The following TDRD3 variants were observed in gnomAD, a reference collection of about 807,000 sequenced individuals.
The protein encoded by TDRD3 is tudor domain containing 3, also known as tudor domain-containing protein 3.
In TDRD3, 45 loss-of-function variants were observed where a neutral mutation model predicts 86.7. That is an observed-to-expected ratio of 0.52 (90% confidence interval 0.41 to 0.67). The LOEUF is 0.67. TDRD3 is among the 30% of genes least tolerant of loss of function. The pLI, the probability that TDRD3 is intolerant of heterozygous loss-of-function variation, is 0.00. For missense variants in TDRD3, 814 were observed against 889.0 expected (o/e 0.92, Z 1.07); for synonymous variants, 298 against 301.7 (o/e 0.99, Z 0.13).
chr13:60,484,195 G>A (rs1199055763), intron 6 of TDRD3, among the ~76,000 whole-genome samples: 1 of 151,998 alleles, frequency 6.6e-6, no homozygotes, highest in Non-Finnish European at 1.5e-5. Flanking sequence ...AAAAACATTA[G>A]AGGGGGAGAG....
chr13:60,490,449 G>A (rs1248430089), intron 7 of TDRD3, among the ~76,000 whole-genome samples: 1 of 152,160 alleles, frequency 6.6e-6, no homozygotes, highest in East Asian at 1.9e-4. Context: ...GGGACAAGTA[G>A]TAGAAGATAA....
chr13:60,540,351 T>C (rs1957783047), intron 12 of TDRD3, among the ~76,000 whole-genome samples: 1 of 152,200 alleles, frequency 6.6e-6, no homozygotes, highest in Non-Finnish European at 1.5e-5. Flanking sequence ...TTTCTTTTAG[T>C]AAAGTTTGGT....
intron 11 of TDRD3, among the ~76,000 whole-genome samples, chr13:60,529,806 T>C (rs973440328): frequency 6.6e-6 from 1 of 151,744 alleles, no homozygotes; most frequent in Non-Finnish European, 1.5e-5. Context: ...AAGAAAGAAA[T>C]TGTAGGGGAA....
intron 4 of TDRD3, among the ~76,000 whole-genome samples, chr13:60,465,465 G>C (rs1481041807): frequency 6.6e-6 from 1 of 152,152 alleles, no homozygotes; most frequent in Non-Finnish European, 1.5e-5. Flanking sequence ...AGGTAAGGCT[G>C]TTCATGACCA....
chr13:60,529,783 G>T (rs1595076543), intron 11 of TDRD3, among the ~76,000 whole-genome samples: 1 of 151,964 alleles, frequency 6.6e-6, no homozygotes, highest in East Asian at 1.9e-4. Flanking sequence ...ATATTATATG[G>T]TGGCTAAAGG....
chr13:60,422,812 C>A (rs1392583307), intron 1 of TDRD3, among the ~76,000 whole-genome samples: 1 of 151,664 alleles, frequency 6.6e-6, no homozygotes, highest in Non-Finnish European at 1.5e-5. Context: ...ATATTCAAGT[C>A]AAGGAAGGAA....
intron 12 of TDRD3, among the ~76,000 whole-genome samples, chr13:60,540,227 T>C (rs1360277774): frequency 6.6e-6 from 1 of 152,174 alleles, no homozygotes; most frequent in African/African-American, 2.4e-5. Flanking sequence ...TCTTTTGCAA[T>C]ATAAACAACA....
At chr13:60,563,354 G>T (rs1297598461) in intron 12 of TDRD3, among the ~76,000 whole-genome samples, 1 of 152,136 alleles carries the variant, frequency 6.6e-6, no homozygotes, top group Non-Finnish European at 1.5e-5. Context: ...AGAGAGTTGG[G>T]TCAGCATTTA....
intron 1 of TDRD3, among the ~76,000 whole-genome samples, chr13:60,428,198 A>G (rs996104029): frequency 6.7e-6 from 1 of 148,200 alleles, no homozygotes; most frequent in African/African-American, 2.5e-5. Flanking sequence ...CTATAAAAAC[A>G]CTTGTCATTG....
chr13:60,556,896 T>C (rs932361801), intron 12 of TDRD3, among the ~76,000 whole-genome samples: 1 of 151,954 alleles, frequency 6.6e-6, no homozygotes, highest in Non-Finnish European at 1.5e-5. Flanking sequence ...GAAACAGACT[T>C]AAGAAAATGT....
intron 1 of TDRD3, among the ~76,000 whole-genome samples, chr13:60,406,567 G>A (rs935965898): frequency 1.8e-4 from 27 of 152,190 alleles, no homozygotes; most frequent in African/African-American, 6.3e-4. Flanking sequence ...AAGAGGCTAG[G>A]TTCAAGTACT....
At chr13:60,537,989 A>T (rs1488979471) in intron 12 of TDRD3, 1 of 152,066 alleles carries the variant, frequency 6.6e-6, no homozygotes, top group African/African-American at 2.4e-5. Flanking sequence ...GTATAAGCAT[A>T]AATCATTAAA....
chr13:60,485,774 G>T lies in TDRD3; in HGVS notation c.568-25G>T. 2.0e-6 allele frequency: 3 copies of T among 1,537,358 alleles called. No individual in the cohort carries two copies. In the South Asian group the frequency reaches 3.8e-5, roughly 20 times the overall value. On this transcript the variant is annotated intron_variant, in intron 6 of 13. Coordinates refer to ENST00000377881, the MANE Select transcript of TDRD3 (RefSeq NM_001146070.2). ...GAATCTCTTTTGGAACTACTAAGTT[G>T]ACTTATTCTTACTTGTTTTACTAGA... is the stretch of plus-strand genomic sequence containing the variant.
At chr13:60,458,837 C>A (rs528665188) in intron 3 of TDRD3, among the ~76,000 whole-genome samples, 1 of 152,226 alleles carries the variant, frequency 6.6e-6, no homozygotes, top group South Asian at 2.1e-4. Context: ...TTGTCAATGC[C>A]TAGGCTAAAA....
intron 12 of TDRD3, 79 bp downstream of exon 12, chr13:60,535,312 C>A: frequency 7.0e-7 from 1 of 1,424,824 alleles, no homozygotes; most frequent in Non-Finnish European, 9.3e-7. Context: ...GATAGCCATA[C>A]AAAATATGCA....
upstream of TDRD3, chr13:60,397,117 C>T (rs986012991): frequency 2.7e-5 from 10 of 372,392 alleles, no homozygotes; most frequent in Non-Finnish European, 4.3e-5. Context: ...TTTGGTGGAT[C>T]AGGTCCCGGA....
At chr13:60,550,639 T>C (rs926022009) in intron 12 of TDRD3, among the ~76,000 whole-genome samples, 2 of 152,118 alleles carry the variant, frequency 1.3e-5, no homozygotes, top group African/African-American at 4.8e-5. Context: ...TTTTTAGTAT[T>C]ACATTAGTCA....
chr13:60,495,743 C>T (rs1471694672), intron 8 of TDRD3, among the ~76,000 whole-genome samples: 1 of 152,142 alleles, frequency 6.6e-6, no homozygotes, highest in Non-Finnish European at 1.5e-5. Flanking sequence ...GCTGGGATTA[C>T]AGGCGTGAGC....
intron 4 of TDRD3, among the ~76,000 whole-genome samples, chr13:60,464,599 CAT>C (rs796137493): frequency 1.5e-4 from 23 of 152,126 alleles, no homozygotes; most frequent in African/African-American, 5.5e-4. Context: ...CACACACACA[CAT>C]ACACTGGAAT....
Sources: allele counts gnomAD v4.1 joint callset (sites outside exome capture counted in the v4.1 genomes callset), GRCh38; gene constraint gnomAD v4.1.1; transcripts MANE v1.5; gene names NCBI Gene and HGNC (gene_info 2026-07-23, HGNC 2026-07-21).